Variants in VMP1 observed in about 807,000 individuals in gnomAD.
VMP1 encodes the protein vacuole membrane protein 1.
Under a neutral mutation model 56.0 loss-of-function variants are expected in VMP1, and 11 were observed. The observed-to-expected ratio is 0.20, with a 90% CI of 0.12 to 0.32. The LOEUF (loss-of-function observed/expected upper bound fraction) is 0.32. Ranked by LOEUF, VMP1 falls within the 10% of genes least tolerant of loss-of-function variation. VMP1 has a pLI of 1.00. For missense variants in VMP1, 296 were observed against 490.3 expected (o/e 0.60, Z 3.74); for synonymous variants, 149 against 165.0 (o/e 0.90, Z 0.74).
intron 1 of VMP1, among the ~76,000 whole-genome samples, chr17:59,728,979 G>A (rs1395619400): frequency 2.6e-5 from 4 of 152,180 alleles, no homozygotes; most frequent in African/African-American, 9.6e-5. Context: ...TCCACTTTCT[G>A]TTATCATGGA....
At chr17:59,760,874 C>T (rs1474733959) in intron 5 of VMP1, among the ~76,000 whole-genome samples, 1 of 152,120 alleles carries the variant, frequency 6.6e-6, no homozygotes, top group African/African-American at 2.4e-5. Context: ...CCACCTTGGC[C>T]TCCCAAAGCG....
chr17:59,766,552 G>A (rs1015037502), intron 6 of VMP1, among the ~76,000 whole-genome samples: 2 of 152,102 alleles, frequency 1.3e-5, no homozygotes, highest in African/African-American at 2.4e-5. Flanking sequence ...TTCATTTTCT[G>A]AGTTATTATA....
intron 10 of VMP1, among the ~76,000 whole-genome samples, chr17:59,824,821 C>T (rs1036357561): frequency 6.3e-5 from 9 of 142,116 alleles, no homozygotes; most frequent in Non-Finnish European, 1.3e-4. Context: ...TGTAGTGAGC[C>T]GAGATTGCGC....
At chr17:59,774,012 A>C in intron 7 of VMP1, 127 bp downstream of exon 7, 1 of 1,001,886 alleles carries the variant, frequency 1.0e-6, no homozygotes, top group South Asian at 2.4e-5. Flanking sequence ...AGAAAGAAAA[A>C]TATTGCTTGA....
chr17:59,792,884 T>A (rs1180016697), intron 7 of VMP1, among the ~76,000 whole-genome samples: 6 of 52,240 alleles, frequency 1.1e-4, no homozygotes, highest in Admixed American at 2.2e-4. Context: ...ATAATTATTA[T>A]TATTATTATC....
At chr17:59,815,881 C>G (rs893355317) in intron 9 of VMP1, among the ~76,000 whole-genome samples, 8 of 136,172 alleles carry the variant, frequency 5.9e-5, no homozygotes, top group African/African-American at 2.1e-4. Context: ...AAAAAAGATT[C>G]TTCTTTCCAA....
intron 6 of VMP1, 58 bp downstream of exon 6, chr17:59,765,196 G>C (rs1159042090): frequency 6.6e-7 from 1 of 1,517,736 alleles, no homozygotes; most frequent in African/African-American, 1.4e-5. Flanking sequence ...GATAGTGTGT[G>C]TACCTTATTG....
chr17:59,784,715 T>C (rs903701318), intron 7 of VMP1: 2 of 152,206 alleles, frequency 1.3e-5, no homozygotes, highest in Non-Finnish European at 2.9e-5. Context: ...TTCAGTCTTA[T>C]TTTGCTGTAA....
intron 10 of VMP1, among the ~76,000 whole-genome samples, chr17:59,829,325 A>G (rs1452274915): frequency 6.6e-6 from 1 of 152,206 alleles, no homozygotes; most frequent in Non-Finnish European, 1.5e-5. Context: ...AGTCAGCATG[A>G]TGGCCTTTGG....
chr17:59,830,271 C>G (rs1212537121), intron 10 of VMP1, among the ~76,000 whole-genome samples: 1 of 152,072 alleles, frequency 6.6e-6, no homozygotes, highest in Non-Finnish European at 1.5e-5. Flanking sequence ...CTATATTGCC[C>G]AGGCTGGTCT....
intron 5 of VMP1, among the ~76,000 whole-genome samples, chr17:59,744,186 C>T (rs953333678): frequency 7.3e-5 from 11 of 151,406 alleles, no homozygotes; most frequent in African/African-American, 2.4e-4. Flanking sequence ...TTTGACCAGG[C>T]GCGGTGGCTC....
chr17:59,812,360 G>A (rs1363998644), intron 9 of VMP1, among the ~76,000 whole-genome samples: 1 of 152,198 alleles, frequency 6.6e-6, no homozygotes, highest in Non-Finnish European at 1.5e-5. Context: ...GTTGTGGTCA[G>A]AGAAGTGAGA....
intron 5 of VMP1, among the ~76,000 whole-genome samples, chr17:59,761,969 C>A (rs1186136972): frequency 6.6e-6 from 1 of 152,134 alleles, no homozygotes; most frequent in Non-Finnish European, 1.5e-5. Flanking sequence ...CTCTTTTGAC[C>A]ATGGAATTTT....
intron 10 of VMP1, among the ~76,000 whole-genome samples, chr17:59,836,576 AC>A (rs1008761070): frequency 1.3e-5 from 2 of 152,178 alleles, no homozygotes; most frequent in African/African-American, 2.4e-5. Context: ...TATCTTCTGT[AC>A]CAAAAACTTT....
At chr17:59,759,149 G>A (rs773913391) in intron 5 of VMP1, among the ~76,000 whole-genome samples, 1 of 152,134 alleles carries the variant, frequency 6.6e-6, no homozygotes, top group Non-Finnish European at 1.5e-5. Context: ...CCAGTTGGGT[G>A]GATCACCTGA....
At chr17:59,743,758 C>T (rs952513407) in intron 5 of VMP1, among the ~76,000 whole-genome samples, 1 of 151,914 alleles carries the variant, frequency 6.6e-6, no homozygotes, top group African/African-American at 2.4e-5. Flanking sequence ...TTATATCCTG[C>T]AACATTGCTG....
chr17:59,792,878 T>TAATAATAATAATAA (rs200472779), intron 7 of VMP1, among the ~76,000 whole-genome samples: 1 of 70,492 alleles, frequency 1.4e-5, no homozygotes, highest in African/African-American at 3.5e-5. Flanking sequence ...ATAATAATAA[T>TAATAATAATAATAA]TATTATTATT....
chr17:59,757,250 T>G (rs1299353283), intron 5 of VMP1, among the ~76,000 whole-genome samples: 1 of 133,854 alleles, frequency 7.5e-6, no homozygotes, highest in East Asian at 2.0e-4. Context: ...GATAGATAGA[T>G]AGATAGATAG....
intron 10 of VMP1, among the ~76,000 whole-genome samples, chr17:59,821,231 A>G (rs2038439100): frequency 6.6e-6 from 1 of 151,934 alleles, no homozygotes; most frequent in Admixed American, 6.6e-5. Flanking sequence ...AAGCCTCCCA[A>G]AGTGCTGGGA....
Sources: gnomAD v4.1 joint callset for allele counts (sites outside exome capture counted in the v4.1 genomes callset) on GRCh38, gnomAD v4.1.1 for gene constraint, MANE v1.5 for transcripts, NCBI Gene and HGNC (gene_info 2026-07-23, HGNC 2026-07-21) for gene names.